Variants in LRP1B observed in about 807,000 individuals in gnomAD.
LRP1B encodes LDL receptor related protein 1B.
LRP1B carries 217 observed loss-of-function variants against 556.6 expected under a neutral mutation model. The observed-to-expected ratio is 0.39, with a 90% CI of 0.35 to 0.44. The LOEUF is 0.44. Among genes scored for constraint, LRP1B ranks in the 20% least tolerant of loss-of-function variants. The pLI is 1.00. For synonymous variants in LRP1B, 2,047 were observed against 1,865.8 expected, an observed-to-expected ratio of 1.10 and a Z score of -2.50; for missense variants, 5,053 against 5,620.8, an observed-to-expected ratio of 0.90 and a Z score of 3.23.
chr2:141,022,712 T>C (rs576708254), intron 11 of LRP1B, among the ~76,000 whole-genome samples: 5 of 152,088 alleles, frequency 3.3e-5, no homozygotes, highest in Non-Finnish European at 5.9e-5. Context: ...CAAACATCAG[T>C]GACTACAGAG....
At chr2:140,490,925 G>A (rs1356647351) in intron 57 of LRP1B, among the ~76,000 whole-genome samples, 4 of 151,950 alleles carry the variant, frequency 2.6e-5, no homozygotes, top group East Asian at 1.9e-4. Flanking sequence ...GAAAGTATCC[G>A]AAACTCATCC....
intron 1 of LRP1B, among the ~76,000 whole-genome samples, chr2:141,964,783 G>T (rs1219311668): frequency 6.6e-6 from 1 of 151,974 alleles, no homozygotes; most frequent in African/African-American, 2.4e-5. Context: ...CACAGCAAAA[G>T]AAACTACCAT....
chr2:141,079,575 G>A (rs1699873957), intron 7 of LRP1B, among the ~76,000 whole-genome samples: 1 of 152,148 alleles, frequency 6.6e-6, no homozygotes, highest in Non-Finnish European at 1.5e-5. Context: ...GCTCTGAAAA[G>A]CCTTAATCTT....
intron 35 of LRP1B, among the ~76,000 whole-genome samples, chr2:140,740,531 G>T (rs1372907457): frequency 3.3e-5 from 5 of 152,108 alleles, no homozygotes; most frequent in African/African-American, 9.7e-5. Context: ...ATGGGCGAGG[G>T]ATAAAAGACT....
chr2:142,097,491 T>A (rs1706417429), intron 1 of LRP1B, among the ~76,000 whole-genome samples: 1 of 151,716 alleles, frequency 6.6e-6, no homozygotes, highest in Admixed American at 6.6e-5. Context: ...CAATTAAAAT[T>A]TTAAGGTAGA....
chr2:141,083,288 A>T (rs1023626278), intron 7 of LRP1B, among the ~76,000 whole-genome samples: 45 of 152,068 alleles, frequency 3.0e-4, no homozygotes, highest in African/African-American at 1.1e-3. Flanking sequence ...TAAAGAAAAC[A>T]TGGAGAAGGC....
rs540215541 is a variant in LRP1B at position 141,623,683 on chromosome 2, G to C, written c.206-143150C>G. 4.0e-5 allele frequency among the ~76,000 whole-genome samples: 6 copies of C among 151,794 alleles called. No homozygotes were observed. In the South Asian group the frequency reaches 1.2e-3, roughly 32 times the overall value. ...CAAAGTTCTGATCCCCTCTTCACCG[G>C]GGCAACATAGAGACATGTTATGACC... On this transcript the variant is annotated intron_variant, in intron 2 of 90. Coordinates refer to ENST00000389484, the MANE Select transcript of LRP1B (RefSeq NM_018557.3).
chr2:141,704,814 A>G (rs1468399015), intron 2 of LRP1B, among the ~76,000 whole-genome samples: 3 of 151,812 alleles, frequency 2.0e-5, no homozygotes, highest in Non-Finnish European at 4.4e-5. Flanking sequence ...AATTGACTAT[A>G]TCTCTATTTC....
At chr2:141,943,288 C>G (rs1700866781) in intron 1 of LRP1B, among the ~76,000 whole-genome samples, 1 of 152,132 alleles carries the variant, frequency 6.6e-6, no homozygotes, top group South Asian at 2.1e-4. Flanking sequence ...TTTCAAAAAT[C>G]TGTATATATT....
At chr2:141,996,678 AT>A (rs1199480798) in intron 1 of LRP1B, among the ~76,000 whole-genome samples, 8 of 150,262 alleles carry the variant, frequency 5.3e-5, no homozygotes, top group Non-Finnish European at 2.9e-5. Context: ...TTTATTTAAA[AT>A]TTTAAAATAT....
chr2:141,504,067 G>A (rs1050402491), intron 2 of LRP1B, among the ~76,000 whole-genome samples: 2 of 152,106 alleles, frequency 1.3e-5, no homozygotes, highest in African/African-American at 4.8e-5. Flanking sequence ...ATTAATAATG[G>A]TTGTGGTTAC....
intron 41 of LRP1B, among the ~76,000 whole-genome samples, chr2:140,694,248 G>A (rs559461908): frequency 6.6e-6 from 1 of 152,270 alleles, no homozygotes; most frequent in African/African-American, 2.4e-5. Flanking sequence ...GTTTGAAGCT[G>A]TTAAGTTCCT....
chr2:141,294,188 G>A (rs1045624505), intron 3 of LRP1B, among the ~76,000 whole-genome samples: 1 of 152,080 alleles, frequency 6.6e-6, no homozygotes, highest in African/African-American at 2.4e-5. Context: ...TTTCTAATGT[G>A]ATTGTATTGC....
intron 11 of LRP1B, among the ~76,000 whole-genome samples, chr2:141,043,952 G>A (rs370961532): frequency 3.8e-4 from 58 of 151,954 alleles, no homozygotes; most frequent in African/African-American, 1.0e-3. Flanking sequence ...AAAAGAGCTC[G>A]CATCACCAAG....
At chr2:140,849,779 A>G (rs982558851) in intron 29 of LRP1B, among the ~76,000 whole-genome samples, 1 of 152,028 alleles carries the variant, frequency 6.6e-6, no homozygotes, top group Admixed American at 6.6e-5. Flanking sequence ...ACCTCAAGTG[A>G]TCCACCCGCC....
At chr2:141,540,338 C>T (rs377444568) in intron 2 of LRP1B, among the ~76,000 whole-genome samples, 14 of 151,392 alleles carry the variant, frequency 9.2e-5, no homozygotes, top group Non-Finnish European at 1.8e-4. Flanking sequence ...TCATATTGAC[C>T]GACAGATACA....
intron 75 of LRP1B, 95 bp from the exon 76 acceptor site, chr2:140,353,167 A>T: frequency 7.9e-7 from 1 of 1,259,678 alleles, no homozygotes; most frequent in South Asian, 1.3e-5. Flanking sequence ...TTTTTAACTT[A>T]TTACTAGCTT....
chr2:140,895,340 G>C (rs1001945582), intron 23 of LRP1B, among the ~76,000 whole-genome samples: 1 of 152,146 alleles, frequency 6.6e-6, no homozygotes, highest in Non-Finnish European at 1.5e-5. Flanking sequence ...AACAGCAATG[G>C]AGCCAGAAGA....
chr2:140,274,611 G>A lies in LRP1B; in HGVS notation c.12968-13C>T, dbSNP rs778149535. 2 of 1,600,278 alleles carry A rather than the reference G, an allele frequency of 1.2e-6. No individual in the cohort carries two copies. The highest frequency in any genetic ancestry group is 1.7e-5 in the Admixed American group (1 of 57,790). The stretch of plus-strand genomic sequence containing the variant: ...TGGTGGCACACGTCTAGGAAAAAAA[G>A]GCACAACAGAAAAATAAAATTATAT... On this transcript the variant is annotated splice_polypyrimidine_tract_variant and intron_variant, in intron 84 of 90. Coordinates refer to ENST00000389484, the MANE Select transcript of LRP1B (RefSeq NM_018557.3).
Sources: allele counts gnomAD v4.1 joint callset (sites outside exome capture counted in the v4.1 genomes callset), GRCh38; gene constraint gnomAD v4.1.1; transcripts MANE v1.5; gene names NCBI Gene and HGNC (gene_info 2026-07-23, HGNC 2026-07-21).